Variants in PELI2 observed in about 807,000 individuals in gnomAD.
PELI2 encodes pellino E3 ubiquitin protein ligase family member 2, also known as E3 ubiquitin-protein ligase pellino homolog 2.
Under a neutral mutation model 42.3 loss-of-function variants are expected in PELI2, and 23 were observed. The ratio of observed to expected loss-of-function variants is 0.54; its 90% CI spans 0.39 to 0.77. The LOEUF is 0.77. PELI2 is among the 30% of genes least tolerant of loss of function. The probability of loss-of-function intolerance (pLI) is 0.00; values close to 1 mark genes in which losing one functional copy is unlikely to be tolerated. For synonymous variants in PELI2, 245 were observed against 212.2 expected, an observed-to-expected ratio of 1.15 and a Z score of -1.34; for missense variants, 463 against 553.2, an observed-to-expected ratio of 0.84 and a Z score of 1.64.
At chr14:56,166,856 C>T (rs1884981479) in intron 1 of PELI2, among the ~76,000 whole-genome samples, 1 of 152,064 alleles carries the variant, frequency 6.6e-6, no homozygotes, top group South Asian at 2.1e-4. Flanking sequence ...GGCACGATCT[C>T]AGCGCACTGC....
At chr14:56,224,426 G>C (rs574829070) in intron 2 of PELI2, among the ~76,000 whole-genome samples, 17 of 152,320 alleles carry the variant, frequency 1.1e-4, no homozygotes, top group Middle Eastern at 3.4e-3. Context: ...AGTCCATTGT[G>C]ATTTGCCCTC....
intron 2 of PELI2, among the ~76,000 whole-genome samples, chr14:56,262,096 C>A (rs1888733008): frequency 6.6e-6 from 1 of 152,214 alleles, no homozygotes; most frequent in East Asian, 1.9e-4. Flanking sequence ...CATTCTATCT[C>A]TTTCCAAAAG....
intron 2 of PELI2, among the ~76,000 whole-genome samples, chr14:56,205,820 C>G (rs1165383559): frequency 6.6e-6 from 1 of 151,998 alleles, no homozygotes; most frequent in Non-Finnish European, 1.5e-5. Context: ...GCACTGGGTG[C>G]TGGATGTTGG....
chr14:56,141,359 G>A (rs1011376573), intron 1 of PELI2, among the ~76,000 whole-genome samples: 8 of 152,192 alleles, frequency 5.3e-5, no homozygotes, highest in African/African-American at 1.9e-4. Context: ...CGGACGTTAG[G>A]ACTGGCAAGG....
chr14:56,136,788 C>T (rs893716055), intron 1 of PELI2, among the ~76,000 whole-genome samples: 4 of 152,160 alleles, frequency 2.6e-5, no homozygotes, highest in Admixed American at 2.6e-4. Context: ...CACCATCCCT[C>T]CTCTTCCTCT....
intron 2 of PELI2, among the ~76,000 whole-genome samples, chr14:56,179,345 A>G (rs922354268): frequency 3.9e-5 from 6 of 152,198 alleles, no homozygotes; most frequent in Non-Finnish European, 8.8e-5. Flanking sequence ...CACTTTTGGA[A>G]GAAAAAGGAA....
intron 2 of PELI2, among the ~76,000 whole-genome samples, chr14:56,266,315 A>G (rs1888902134): frequency 6.6e-6 from 1 of 152,054 alleles, no homozygotes; most frequent in African/African-American, 2.4e-5. Context: ...ACAACACTTT[A>G]AAGTCAAAAC....
At chr14:56,123,824 G>A (rs10138745) in intron 1 of PELI2, among the ~76,000 whole-genome samples, 4,815 of 152,238 alleles carry the variant, frequency 0.032, 198 homozygotes, top group East Asian at 0.2. Context: ...CAAAATAGCC[G>A]TTGCTATATT....
chr14:56,212,475 T>TG (rs759776728), intron 2 of PELI2, among the ~76,000 whole-genome samples: 4 of 151,978 alleles, frequency 2.6e-5, no homozygotes, highest in Non-Finnish European at 5.9e-5. Flanking sequence ...CTCCCTGGGA[T>TG]TGGGGGGAGA....
chr14:56,142,044 T>C (rs1242591449), intron 1 of PELI2, among the ~76,000 whole-genome samples: 1 of 152,206 alleles, frequency 6.6e-6, no homozygotes, highest in East Asian at 1.9e-4. Context: ...TCTAAGTTAC[T>C]GTGATTTGAG....
intron 2 of PELI2, among the ~76,000 whole-genome samples, chr14:56,266,933 A>C (rs762852229): frequency 5.9e-5 from 9 of 152,090 alleles, no homozygotes; most frequent in Non-Finnish European, 1.2e-4. Flanking sequence ...CAATTCTATA[A>C]GTTATTGTGT....
intron 3 of PELI2, among the ~76,000 whole-genome samples, chr14:56,283,270 T>C (rs138231637): frequency 5.7e-4 from 87 of 152,344 alleles, no homozygotes; most frequent in African/African-American, 2.0e-3. Context: ...GAGTACTTTA[T>C]GCATACTTCC....
chr14:56,218,684 CATGCACGCACATGTGTGCGT>C (rs910503498), intron 2 of PELI2, among the ~76,000 whole-genome samples: 8 of 152,004 alleles, frequency 5.3e-5, no homozygotes, highest in African/African-American at 1.9e-4. Context: ...AGACTGTGTG[CATGCACGCACATGTGTGCGT>C]GTGTGTGTGT....
At chr14:56,260,729 C>G (rs1888682019) in intron 2 of PELI2, among the ~76,000 whole-genome samples, 1 of 152,116 alleles carries the variant, frequency 6.6e-6, no homozygotes, top group South Asian at 2.1e-4. Flanking sequence ...CGATGGATTC[C>G]TCAAGAAGCG....
intron 2 of PELI2, among the ~76,000 whole-genome samples, chr14:56,208,950 T>C (rs750620664): frequency 8.5e-5 from 13 of 152,188 alleles, no homozygotes; most frequent in South Asian, 8.3e-4. Flanking sequence ...AAGCAAAAAT[T>C]AGGATTTTGG....
chr14:56,142,684 A>AT (rs11417401), intron 1 of PELI2, among the ~76,000 whole-genome samples: 89,900 of 151,650 alleles, frequency 0.59, 27,253 homozygotes, highest in African/African-American at 0.73. Flanking sequence ...TTATGGCATA[A>AT]TTTTTTTTAA....
rs747478563 is a variant in PELI2 at position 56,296,629 on chromosome 14, C to T, written c.726C>T (p.Asp242=). 19 of 1,609,750 alleles carry T rather than the reference C, an allele frequency of 1.2e-5. No homozygotes were observed. The highest frequency in any genetic ancestry group is 4.5e-5 in the East Asian group (2 of 44,756). Residue 242 remains aspartate, a synonymous_variant, in exon 6 of 6, where the codon GAC becomes GAT. Transcript: ENST00000267460. The part of the protein sequence containing the change: ...LVESETNVLQ[D]GSLIDLCGAT... ...AAAGTGAGACCAACGTCCTGCAGGACGGCTCCCTCATTGACCTGTGTGGGG... is the reference window on the plus strand; with the variant it reads ...AAAGTGAGACCAACGTCCTGCAGGATGGCTCCCTCATTGACCTGTGTGGGG...
In PELI2 at chr14:56,118,691, G is replaced by C; in HGVS notation, c.31G>C (p.Ala11Pro). The change falls in exon 1 of 6, where the codon GCC becomes CCC. Residue 11 changes from alanine to proline, a missense_variant. Physicochemically the swap from Ala to Pro is conservative, Grantham distance 27. Around this residue, in one of 3 missense-constraint regions of PELI2, gnomAD observed 343 missense variants for 378.4 expected, o/e 0.91. Transcript: ENST00000267460. MFSPGQEEHC[A>P]PNKEPVKYGE... The stretch of plus-strand genomic sequence containing the variant: ...TTCCCCTGGCCAGGAGGAACACTGC[G>C]CCCCCAATAAGGAGCCAGTGAAATA... 1 of 1,519,468 alleles carries C rather than the reference G, an allele frequency of 6.6e-7. No individual in the cohort carries two copies. Among genetic ancestry groups the C allele is most frequent in the Non-Finnish European group, 8.8e-7 (1 of 1,133,344 alleles). The allele number at this position is 1,519,468 out of a possible 1,614,324, so 94.1% of individuals were successfully genotyped here.
chr14:56,192,940 TAAC>T (rs1419210099), intron 2 of PELI2, among the ~76,000 whole-genome samples: 1 of 152,186 alleles, frequency 6.6e-6, no homozygotes, highest in African/African-American at 2.4e-5. Context: ...GAAAATTTCT[TAAC>T]AAATTATTCT....
Sources: gnomAD v4.1 joint callset for allele counts (sites outside exome capture counted in the v4.1 genomes callset) on GRCh38, gnomAD v4.1.1 for gene constraint, gnomAD v4.1.1 regional missense constraint, MANE v1.5 for transcripts, NCBI Gene and HGNC (gene_info 2026-07-23, HGNC 2026-07-21) for gene names.